AKAP6: variants seen among roughly 807,000 people sequenced by gnomAD.
AKAP6 encodes A-kinase anchoring protein 6.
Under a neutral mutation model 188.5 loss-of-function variants are expected in AKAP6, and 58 were observed. The observed-to-expected ratio is 0.31, with a 90% confidence interval of 0.25 to 0.38. The LOEUF is 0.38. Ranked by LOEUF, AKAP6 falls within the 10% of genes least tolerant of loss-of-function variation. AKAP6 has a pLI of 1.00. For synonymous variants in AKAP6, 989 were observed against 998.6 expected (o/e 0.99, Z 0.18); for missense variants, 2,710 against 2,740.0 (o/e 0.99, Z 0.24).
intron 1 of AKAP6, among the ~76,000 whole-genome samples, chr14:32,394,988 T>A (rs1423979846): frequency 6.6e-6 from 1 of 152,150 alleles, no homozygotes; most frequent in East Asian, 1.9e-4. Context: ...CTTGGTTTCC[T>A]TCTCAGGGGC....
Position 32,788,673 on chromosome 14 carries a change from C to T in AKAP6, c.3588+14780C>T, listed in dbSNP as rs138338879. On this transcript the variant is annotated intron_variant, in intron 12 of 13. Transcript: ENST00000280979. ...TGCAACCGGCGGATCAGGAGATCCTCTTGTGAGCCCACTAACTACCAGGTC... is the reference window on the plus strand; with the variant it reads ...TGCAACCGGCGGATCAGGAGATCCTTTTGTGAGCCCACTAACTACCAGGTC... Among the ~76,000 whole-genome samples the T allele has an allele frequency of 3.3e-3, 397 of 119,872 alleles. 2 individuals are homozygous for T. Among genetic ancestry groups the T allele is most frequent in the African/African-American group, 9.3e-3 (351 of 37,792 alleles). The allele number at this position is 119,872 out of a possible 152,430, so 78.6% of individuals were successfully genotyped here. A position where few individuals can be genotyped will look rare whatever the true frequency, so the allele number is the denominator to read the frequency against.
chr14:32,730,107 C>T (rs1378455049), intron 9 of AKAP6, among the ~76,000 whole-genome samples: 1 of 152,058 alleles, frequency 6.6e-6, no homozygotes, highest in African/African-American at 2.4e-5. Flanking sequence ...ACAGCTTGAG[C>T]CCCTAAACAT....
chr14:32,347,569 T>C (rs1465395168), intron 1 of AKAP6, among the ~76,000 whole-genome samples: 1 of 152,236 alleles, frequency 6.6e-6, no homozygotes, highest in Non-Finnish European at 1.5e-5. Flanking sequence ...GCTTGTAACA[T>C]TGGATTATCA....
intron 7 of AKAP6, among the ~76,000 whole-genome samples, chr14:32,654,001 T>C (rs1317790664): frequency 6.6e-6 from 1 of 152,184 alleles, no homozygotes; most frequent in Non-Finnish European, 1.5e-5. Flanking sequence ...ATTTGGGTTC[T>C]TCTGCCATGC....
intron 4 of AKAP6, among the ~76,000 whole-genome samples, chr14:32,555,375 G>A (rs1883643232): frequency 6.6e-6 from 1 of 151,992 alleles, no homozygotes; most frequent in Non-Finnish European, 1.5e-5. Flanking sequence ...TGGGTCCAGA[G>A]GAACGCATCC....
chr14:32,735,586 G>GT (rs983754447), intron 10 of AKAP6, 72 bp from the exon 11 acceptor site: 33 of 1,205,890 alleles, frequency 2.7e-5, no homozygotes, highest in Middle Eastern at 5.2e-4. Flanking sequence ...CTATGTTTTT[G>GT]TTTTTTTGTT....
At chr14:32,700,446 G>T (rs573886483) in intron 9 of AKAP6, among the ~76,000 whole-genome samples, 1 of 152,196 alleles carries the variant, frequency 6.6e-6, no homozygotes, top group African/African-American at 2.4e-5. Flanking sequence ...TTATATATTT[G>T]TTCCTTGAAC....
intron 2 of AKAP6, among the ~76,000 whole-genome samples, chr14:32,505,165 A>G (rs775351751): frequency 6.6e-6 from 1 of 152,156 alleles, no homozygotes; most frequent in African/African-American, 2.4e-5. Context: ...TAACATAATC[A>G]TAACTCTTAG....
intron 1 of AKAP6, among the ~76,000 whole-genome samples, chr14:32,385,742 T>A (rs1438222508): frequency 1.3e-5 from 2 of 151,604 alleles, no homozygotes. Context: ...CATTAATTCA[T>A]TCCTTTTTAT....
intron 12 of AKAP6, among the ~76,000 whole-genome samples, chr14:32,814,753 G>A (rs2140126088): frequency 6.6e-6 from 1 of 152,154 alleles, no homozygotes; most frequent in Middle Eastern, 3.4e-3. Flanking sequence ...TTTGGGGACA[G>A]GGTCTCACTG....
chr14:32,734,834 TTA>T (rs1168392462), intron 10 of AKAP6, among the ~76,000 whole-genome samples: 3 of 152,164 alleles, frequency 2.0e-5, no homozygotes, highest in African/African-American at 7.2e-5. Context: ...TTAATTTTAT[TTA>T]TGTTTTAAAG....
At chr14:32,379,064 A>C (rs988950499) in intron 1 of AKAP6, among the ~76,000 whole-genome samples, 6 of 151,786 alleles carry the variant, frequency 4.0e-5, no homozygotes, top group Non-Finnish European at 8.8e-5. Context: ...GATTACGGGC[A>C]TGCACCACCA....
intron 2 of AKAP6, among the ~76,000 whole-genome samples, chr14:32,510,438 G>GTATATATATATATATATATA (rs1236692640): frequency 1.2e-5 from 1 of 84,458 alleles, no homozygotes; most frequent in Non-Finnish European, 2.5e-5. Flanking sequence ...ATATATATGT[G>GTATATATATATATATATATA]TATATATATA....
At chr14:32,727,619 A>T (rs1358749864) in intron 9 of AKAP6, among the ~76,000 whole-genome samples, 3 of 152,202 alleles carry the variant, frequency 2.0e-5, no homozygotes, top group African/African-American at 7.2e-5. Context: ...AAGAGGGGGA[A>T]AACTCAATTC....
chr14:32,766,607 C>A (rs781384073), intron 11 of AKAP6, among the ~76,000 whole-genome samples: 13 of 151,990 alleles, frequency 8.6e-5, no homozygotes, highest in Non-Finnish European at 1.8e-4. Flanking sequence ...TTGTGTTGAG[C>A]CTTTTTTCAT....
Position 32,577,240 on chromosome 14 carries a change from T to C in AKAP6, c.2467T>C (p.Leu823=). Residue 823 remains leucine (L), a splice_region_variant and synonymous_variant, in exon 5 of 14, where the codon TTG becomes CTG. Transcript: ENST00000280979. ...DDLKLYLETH[L]SFKLNVDSHC... is the part of the protein sequence containing the mutation. ...CCTTAAACTGTATCTGGAGACACACTTGGTAGGCAAGATTGTGTTGTTCTT... is the reference window on the plus strand; with the variant it reads ...CCTTAAACTGTATCTGGAGACACACCTGGTAGGCAAGATTGTGTTGTTCTT... The C allele has an allele frequency of 6.2e-7, 1 of 1,608,936 alleles. No individual in the cohort carries two copies. Among genetic ancestry groups the C allele is most frequent in the East Asian group, 2.2e-5 (1 of 44,696 alleles).
At chr14:32,761,624 A>G (rs1031365200) in intron 11 of AKAP6, among the ~76,000 whole-genome samples, 2 of 152,122 alleles carry the variant, frequency 1.3e-5, no homozygotes, top group Non-Finnish European at 2.9e-5. Context: ...TGTGTTCTAC[A>G]TTATCCCTAG....
chr14:32,675,930 G>C, intron 7 of AKAP6, among the ~76,000 whole-genome samples: 1 of 152,152 alleles, frequency 6.6e-6, no homozygotes, highest in East Asian at 1.9e-4. Flanking sequence ...TTCTGTAATG[G>C]TGTTGAGTCT....
intron 2 of AKAP6, among the ~76,000 whole-genome samples, chr14:32,504,157 A>T (rs954093334): frequency 1.3e-5 from 2 of 152,024 alleles, no homozygotes; most frequent in Admixed American, 1.3e-4. Context: ...TCTTAAGTTT[A>T]TTCTAAGGTA....
Sources: gnomAD v4.1 joint callset for allele counts (sites outside exome capture counted in the v4.1 genomes callset) on GRCh38, gnomAD v4.1.1 for gene constraint, MANE v1.5 for transcripts, NCBI Gene and HGNC (gene_info 2026-07-23, HGNC 2026-07-21) for gene names.